The following PTPRF variants were observed in gnomAD, a reference collection of about 807,000 sequenced individuals.
The protein encoded by PTPRF is receptor-type tyrosine-protein phosphatase F.
PTPRF carries 59 observed loss-of-function variants against 201.8 expected under a neutral mutation model. The observed-to-expected ratio is 0.29, with a 90% CI of 0.24 to 0.36. The LOEUF is 0.36. Ranked by LOEUF, PTPRF falls within the 10% of genes least tolerant of loss-of-function variation. PTPRF has a pLI of 1.00. For missense variants in PTPRF, 2,132 were observed against 2,690.5 expected, an observed-to-expected ratio of 0.79 and a Z score of 4.59; for synonymous variants, 1,088 against 1,089.7, an observed-to-expected ratio of 1.00 and a Z score of 0.03.
At chr1:43,607,742 G>T (rs1655480308) in intron 21 of PTPRF, among the ~76,000 whole-genome samples, 2 of 152,168 alleles carry the variant, frequency 1.3e-5, no homozygotes, top group South Asian at 4.1e-4. Flanking sequence ...GCCCACACAG[G>T]GTGTGCCCTC....
chr1:43,533,882 C>G (rs973330245), intron 1 of PTPRF, among the ~76,000 whole-genome samples: 1 of 152,166 alleles, frequency 6.6e-6, no homozygotes, highest in African/African-American at 2.4e-5. Context: ...TAGGCGCTTT[C>G]GGCCCCGGCT....
chr1:43,585,611 C>G (rs1648933575), intron 7 of PTPRF, among the ~76,000 whole-genome samples: 1 of 152,182 alleles, frequency 6.6e-6, no homozygotes, highest in Non-Finnish European at 1.5e-5. Flanking sequence ...AAACACAACT[C>G]TTCTGTGAAG....
Position 43,591,936 on chromosome 1 carries a change from C to A in PTPRF, c.1656C>A (p.Asp552Glu), listed in dbSNP as rs148716858. The change falls in exon 10 of 34, where the codon GAC (aspartate) becomes GAA (glutamate). Residue 552 changes from aspartate (D) to glutamate (E), a missense_variant. This residue lies in a region of PTPRF where 351 missense variants were observed against 401.7 expected (regional missense o/e 0.87). Coordinates refer to ENST00000359947, the MANE Select transcript of PTPRF (RefSeq NM_002840.5). The stretch of plus-strand genomic sequence containing the variant: ...AACTGGTGTACTGGGCGGCAGAGGA[C>A]GAAGACCAACAGGTGTGCAGCGGGC... ...MYELVYWAAE[D>E]EDQQHKVTFD... 6.2e-7 allele frequency: 1 copy of A among 1,613,630 alleles called. No individual in the cohort carries two copies. The highest frequency in any genetic ancestry group is 8.5e-7 in the Non-Finnish European group (1 of 1,179,962).
chr1:43,531,846 G>A (rs1192319484), intron 1 of PTPRF, among the ~76,000 whole-genome samples: 2 of 152,156 alleles, frequency 1.3e-5, no homozygotes, highest in East Asian at 3.9e-4. Context: ...GTCCCGTCCC[G>A]TCCCGGCTCC....
chr1:43,603,801 C>T lies in PTPRF; in HGVS notation c.2649C>T (p.His883=). Residue 883 remains histidine (H), a synonymous_variant, in exon 16 of 34, where the codon CAC becomes CAT. Transcript: ENST00000359947. The surrounding 1 kb of genome is among the most constrained non-coding windows in gnomAD (Gnocchi z 5.8). ...AGCACTTCACAGTCACCGGCCTGCA[C>T]AAGGGGACCACCTACATCTTCCGGC... ...DDQHFTVTGL[H]KGTTYIFRLA... is the part of the protein sequence containing the mutation. 4 of 1,614,156 alleles carry T rather than the reference C, an allele frequency of 2.5e-6. No homozygotes were observed. The South Asian group carries it at 4.4e-5, about 18-fold the overall frequency.
intron 11 of PTPRF, among the ~76,000 whole-genome samples, chr1:43,596,266 C>T (rs1363028575): frequency 1.3e-5 from 2 of 152,008 alleles, no homozygotes; most frequent in African/African-American, 2.4e-5. Context: ...TGTGAGAGCC[C>T]GTGATTCTGG....
At chr1:43,555,816 ATTG>A (rs1640161995) in intron 5 of PTPRF, among the ~76,000 whole-genome samples, 1 of 152,080 alleles carries the variant, frequency 6.6e-6, no homozygotes, top group South Asian at 2.1e-4. Context: ...CCATTCCCTT[ATTG>A]TTGGACACAT....
rs373829166 is a variant in PTPRF at position 43,545,118 on chromosome 1, G to C, written c.43G>C (p.Val15Leu). Residue 15 changes from valine (V) to leucine (L), a missense_variant, in exon 3 of 34, where the codon GTG becomes CTG. Coordinates refer to ENST00000359947, the MANE Select transcript of PTPRF (RefSeq NM_002840.5). The stretch of plus-strand genomic sequence containing the variant: ...CCCAGGGAGGACGATGGTGCCCCTT[G>C]TGCCTGCACTGGTGATGCTTGGTTT... ...PAPGRTMVPL[V>L]PALVMLGLVA... 9 of 1,590,658 alleles carry C rather than the reference G, an allele frequency of 5.7e-6. No homozygotes were observed. The highest frequency in any genetic ancestry group is 7.7e-6 in the Non-Finnish European group (9 of 1,168,288).
Position 43,591,096 on chromosome 1 carries a change from C to T in PTPRF, c.1074C>T (p.Gly358=), listed in dbSNP as rs745990421. Residue 358 remains glycine, a synonymous_variant, in exon 9 of 34, where the codon GGC becomes GGT. Coordinates refer to ENST00000359947, the MANE Select transcript of PTPRF (RefSeq NM_002840.5). ...ATGGCATCCAGTACCGCGCAGCGGG[C>T]ACGGAGGGCCCCTTTCAGGAGGTGG... ...TYYGIQYRAA[G]TEGPFQEVDG... is the part of the protein sequence containing the mutation. 2.5e-6 allele frequency: 4 copies of T among 1,613,960 alleles called. No individual in the cohort carries two copies. The highest frequency in any genetic ancestry group is 2.2e-5 in the South Asian group (2 of 91,090).
At chr1:43,533,718 GTGACTGACACTGCTGTGTGCT>G (rs1643839343) in intron 1 of PTPRF, among the ~76,000 whole-genome samples, 1 of 152,220 alleles carries the variant, frequency 6.6e-6, no homozygotes, top group South Asian at 2.1e-4. Context: ...CACTTCCCTT[GTGACTGACACTGCTGTGTGCT>G]TGGTTCCAGC....
At chr1:43,566,229 C>G (rs1056623084) in intron 5 of PTPRF, among the ~76,000 whole-genome samples, 1 of 152,204 alleles carries the variant, frequency 6.6e-6, no homozygotes, top group African/African-American at 2.4e-5. Context: ...TCCTCCCAGC[C>G]CCACCTCCGA....
chr1:43,606,542 C>A (rs1655163892), intron 20 of PTPRF, 84 bp downstream of exon 20: 1 of 1,341,540 alleles, frequency 7.5e-7, no homozygotes, highest in Admixed American at 2.0e-5. Flanking sequence ...ACCACAAGAC[C>A]CCAGGTCTTT....
Position 43,603,700 on chromosome 1 carries a change from C to A in PTPRF, c.2548C>A (p.Leu850Met). 1 of 1,613,718 alleles carries A rather than the reference C, an allele frequency of 6.2e-7. No homozygotes were observed. The highest frequency in any genetic ancestry group is 2.2e-5 in the East Asian group (1 of 44,876). The change falls in exon 16 of 34, where the codon CTG becomes ATG. Residue 850 changes from leucine to methionine, a missense_variant. Leu to Met is a conservative substitution (Grantham distance 15). This residue lies in a region of PTPRF where 818 missense variants were observed against 915.3 expected (regional missense o/e 0.89). Coordinates refer to ENST00000359947, the MANE Select transcript of PTPRF (RefSeq NM_002840.5). This position sits in a 1 kb window ranked among gnomAD's most constrained non-coding sequence, Gnocchi z 5.8. ...WHPPKELPGE[L>M]LGYRLQYCRA... ...CCCACCCAAGGAACTGCCTGGCGAGCTGCTGGGCTACCGGCTGCAGTACTG... is the reference window on the plus strand; with the variant it reads ...CCCACCCAAGGAACTGCCTGGCGAGATGCTGGGCTACCGGCTGCAGTACTG...
At position 43,606,295 on chromosome 1, in the gene PTPRF, CAGA is replaced by C; in HGVS notation, c.3541_3543del (p.Glu1181del). ...GAGCAGCGGCGGCGGCGGCGGCAGGCAGAACGTCTGAAGCCATATGTGGCTGCT... is the reference window on the plus strand; with the variant it reads ...GAGCAGCGGCGGCGGCGGCGGCAGGCACGTCTGAAGCCATATGTGGCTGCT... On this transcript the variant is annotated inframe_deletion, in exon 20 of 34. Transcript: ENST00000359947. The C allele has an allele frequency of 6.2e-7, 1 of 1,613,926 alleles. No homozygotes were observed. The highest frequency in any genetic ancestry group is 8.5e-7 in the Non-Finnish European group (1 of 1,180,010).
chr1:43,604,372 C>T (rs1187936666), intron 16 of PTPRF, among the ~76,000 whole-genome samples, 183 bp downstream of exon 16: 1 of 152,238 alleles, frequency 6.6e-6, no homozygotes, highest in African/African-American at 2.4e-5. Flanking sequence ...TGCCTGACCT[C>T]TGCTGTCCTT....
At chr1:43,534,447 G>C (rs950682198) in intron 1 of PTPRF, among the ~76,000 whole-genome samples, 1 of 152,154 alleles carries the variant, frequency 6.6e-6, no homozygotes, top group African/African-American at 2.4e-5. Flanking sequence ...TGGTAGCATG[G>C]TGCCATCTTG....
chr1:43,551,696 G>A (rs1161642763), intron 3 of PTPRF, among the ~76,000 whole-genome samples: 2 of 152,092 alleles, frequency 1.3e-5, no homozygotes, highest in African/African-American at 2.4e-5. Context: ...TCTTAAATGG[G>A]GATAATAATA....
At chr1:43,599,983 A>G (rs1048812091) in intron 13 of PTPRF, among the ~76,000 whole-genome samples, 39 of 152,112 alleles carry the variant, frequency 2.6e-4, no homozygotes, top group African/African-American at 9.2e-4. Flanking sequence ...GTACCACTCA[A>G]TGCTGTACAC....
Position 43,588,719 on chromosome 1 carries a change from C to T in PTPRF, c.680-12C>T, listed in dbSNP as rs1369320815. ...GCCCGGCCTGTGAGTGCCTCTCTCC[C>T]TCCTCCTGCAGTGCGCCGCGTGGCT... On this transcript the variant is annotated splice_polypyrimidine_tract_variant and intron_variant, in intron 7 of 33. Transcript: ENST00000359947. This position sits in a 1 kb window ranked among gnomAD's most constrained non-coding sequence, Gnocchi z 5.3. The T allele has an allele frequency of 6.2e-7, 1 of 1,612,050 alleles. No homozygotes were observed. The highest frequency in any genetic ancestry group is 8.5e-7 in the Non-Finnish European group (1 of 1,179,754).
Sources: allele counts gnomAD v4.1 joint callset (sites outside exome capture counted in the v4.1 genomes callset), GRCh38; gene constraint gnomAD v4.1.1; regional missense constraint gnomAD v4.1.1; non-coding constraint Gnocchi (gnomAD v3.1); transcripts MANE v1.5; gene names NCBI Gene and HGNC (gene_info 2026-07-23, HGNC 2026-07-21).